Variants in PALD1 observed in about 807,000 individuals in gnomAD.
PALD1 encodes phosphatase domain containing paladin 1.
In PALD1, 57 loss-of-function variants were observed where a neutral mutation model predicts 96.0. The observed-to-expected ratio is 0.59, with a 90% CI of 0.48 to 0.74. The LOEUF is 0.74. Ranked by LOEUF, PALD1 falls within the 30% of genes least tolerant of loss-of-function variation. PALD1 has a pLI of 0.00. For missense variants in PALD1, 1,063 were observed against 1,143.7 expected, an observed-to-expected ratio of 0.93 and a Z score of 1.02; for synonymous variants, 464 against 473.6, an observed-to-expected ratio of 0.98 and a Z score of 0.26.
intron 18 of PALD1, among the ~76,000 whole-genome samples, chr10:70,563,887 A>C (rs1314367349): frequency 6.6e-6 from 1 of 152,180 alleles, no homozygotes; most frequent in Admixed American, 6.5e-5. Context: ...CAGAGCCCTC[A>C]TACCCTCGCC....
intron 1 of PALD1, among the ~76,000 whole-genome samples, chr10:70,522,427 C>T (rs1846757484): frequency 6.6e-6 from 1 of 152,196 alleles, no homozygotes; most frequent in Non-Finnish European, 1.5e-5. Flanking sequence ...AGCCCAGCGT[C>T]TGTAGGCAGG....
Position 70,509,188 on chromosome 10 carries a change from C to T in PALD1, c.-29-16735C>T, listed in dbSNP as rs79673309. The stretch of plus-strand genomic sequence containing the variant: ...GTCCCACGTGTTCTTTGCCCCCTGC[C>T]GGTCCCTGCTCTAAGCTTCCTAGTG... On this transcript the variant is annotated intron_variant, in intron 1 of 19. Transcript: ENST00000263563. Among the ~76,000 whole-genome samples, 159 of 152,302 alleles carry T rather than the reference C, an allele frequency of 1.0e-3. 3 individuals carry two copies. The East Asian group carries it at 0.012, about 12-fold the overall frequency.
intron 1 of PALD1, among the ~76,000 whole-genome samples, chr10:70,500,442 A>G (rs140734126): frequency 2.3e-4 from 35 of 152,182 alleles, no homozygotes; most frequent in African/African-American, 8.4e-4. Flanking sequence ...ACCCCACCTC[A>G]TCCTATATTC....
rs1677508872 is a variant in PALD1, at chr10:70,566,650, G to A, written c.2488G>A (p.Asp830Asn). Residue 830 changes from aspartate to asparagine, a missense_variant, in exon 20 of 20, where the codon GAC becomes AAC. Asp to Asn is a conservative substitution (Grantham distance 23, BLOSUM62 1). Transcript: ENST00000263563. ...CTTCCCCGAGCTGGAGAGCGGGGAG[G>A]ACCAGCCCTTCTCCAGGCTGCGCTA... ...LGFPELESGE[D>N]QPFSRLRYRW... The A allele has an allele frequency of 6.2e-7, 1 of 1,609,400 alleles. No individual in the cohort carries two copies. The highest frequency in any genetic ancestry group is 1.3e-5 in the African/African-American group (1 of 74,794).
chr10:70,476,782 G>A (rs186548926), upstream of PALD1, among the ~76,000 whole-genome samples: 320 of 152,236 alleles, frequency 2.1e-3, 1 homozygote, highest in African/African-American at 7.2e-3. Flanking sequence ...CCAAAAGACA[G>A]GTCAGGCACA....
chr10:70,459,495 C>T, the PALD1 span, among the ~76,000 whole-genome samples: 34 of 152,286 alleles, frequency 2.2e-4, no homozygotes, highest in Middle Eastern at 6.8e-3. Context: ...TGTGGCACTG[C>T]CTCGGATGGG....
At chr10:70,482,105 C>T (rs1454307746) in intron 1 of PALD1, among the ~76,000 whole-genome samples, 1 of 152,194 alleles carries the variant, frequency 6.6e-6, no homozygotes, top group East Asian at 1.9e-4. Context: ...GCTTCCTCAG[C>T]AGCCAGGTGC....
intron 1 of PALD1, among the ~76,000 whole-genome samples, chr10:70,496,598 C>T (rs934495689): frequency 3.3e-5 from 5 of 152,206 alleles, no homozygotes; most frequent in Admixed American, 2.6e-4. Flanking sequence ...GTATCAGTAT[C>T]GTTCATTTCA....
At chr10:70,533,708 T>C (rs974183888) in intron 7 of PALD1, among the ~76,000 whole-genome samples, 1 of 152,230 alleles carries the variant, frequency 6.6e-6, no homozygotes, top group African/African-American at 2.4e-5. Context: ...TCGCTCTCAC[T>C]TCCAGTTCTT....
intron 19 of PALD1, 92 bp downstream of exon 19, chr10:70,564,611 G>A (rs1203914218): frequency 3.5e-5 from 44 of 1,262,758 alleles, no homozygotes; most frequent in East Asian, 1.2e-4. Flanking sequence ...CATGGCCTGC[G>A]GGGACCCCGT....
chr10:70,504,947 G>A (rs1028125681), intron 1 of PALD1, among the ~76,000 whole-genome samples: 3 of 152,196 alleles, frequency 2.0e-5, no homozygotes, highest in South Asian at 4.1e-4. Context: ...TTTGTACCTC[G>A]TCACGTTAAG....
chr10:70,501,735 A>T (rs2132294084), intron 1 of PALD1, among the ~76,000 whole-genome samples: 1 of 152,114 alleles, frequency 6.6e-6, no homozygotes, highest in Non-Finnish European at 1.5e-5. Flanking sequence ...GAGAAAAATC[A>T]TCTGAGATCC....
Position 70,532,720 on chromosome 10 carries a change from G to A in PALD1, c.733G>A (p.Asp245Asn), listed in dbSNP as rs1433310328. 4 of 1,614,104 alleles carry A rather than the reference G, an allele frequency of 2.5e-6. No homozygotes were observed. Among genetic ancestry groups the A allele is most frequent in the African/African-American group, 1.3e-5 (1 of 74,926 alleles). The change falls in exon 6 of 20, where the codon GAC becomes AAC. Residue 245 changes from aspartate to asparagine, a missense_variant. By Grantham distance (23) the Asp-to-Asn change is conservative (BLOSUM62 1). Coordinates refer to ENST00000263563, the MANE Select transcript of PALD1 (RefSeq NM_014431.3). ...CCATGCTGTGGCCATCCATGGTGAG[G>A]ACGACTTGCATGTGACGGAGGAGGT... ...EPHAVAIHGE[D>N]DLHVTEEVYK...
chr10:70,556,740 T>C (rs1235075403), intron 18 of PALD1, among the ~76,000 whole-genome samples: 1 of 152,234 alleles, frequency 6.6e-6, no homozygotes, highest in Non-Finnish European at 1.5e-5. Context: ...TTTCTAAGTG[T>C]GCACCACTGG....
In PALD1 at chr10:70,541,478, G is replaced by A. The variant is rs745512731; in HGVS notation, c.2065G>A (p.Gly689Ser). The change falls in exon 17 of 20, where the codon GGT becomes AGT. Residue 689 changes from glycine to serine, a missense_variant. Physicochemically the swap from Gly to Ser is moderately conservative, Grantham distance 56. Coordinates refer to ENST00000263563, the MANE Select transcript of PALD1 (RefSeq NM_014431.3). ...FWHIQGFPEV[G>S]EEELVSVPDA... ...CTTCCCTCAGGGCTTCCCCGAGGTG[G>A]GTGAGGAGGAGCTCGTGAGTGTGCC... 1 of 1,613,872 alleles carries A rather than the reference G, an allele frequency of 6.2e-7. No homozygotes were observed.
At chr10:70,557,175 C>G (rs375765849) in intron 18 of PALD1, among the ~76,000 whole-genome samples, 1 of 152,248 alleles carries the variant, frequency 6.6e-6, no homozygotes, top group African/African-American at 2.4e-5. Flanking sequence ...GGGCAAGTCA[C>G]TTTGGCCTGC....
At chr10:70,511,783 C>T (rs1846520528) in intron 1 of PALD1, among the ~76,000 whole-genome samples, 1 of 152,226 alleles carries the variant, frequency 6.6e-6, no homozygotes, top group Admixed American at 6.5e-5. Flanking sequence ...AATCCCAGCA[C>T]TTTGGGAGGC....
the PALD1 span, among the ~76,000 whole-genome samples, chr10:70,463,427 G>C: frequency 6.6e-6 from 1 of 151,998 alleles, no homozygotes. Context: ...AAAGCAGGTA[G>C]AATTATGACT....
intron 1 of PALD1, among the ~76,000 whole-genome samples, chr10:70,519,573 C>CTTTCTTT (rs1240665131): frequency 1.5e-5 from 2 of 133,702 alleles, no homozygotes; most frequent in African/African-American, 5.8e-5. Context: ...TTCTTTCTTT[C>CTTTCTTT]TTTTTTTTTT....
Sources: gnomAD v4.1 joint callset for allele counts (sites outside exome capture counted in the v4.1 genomes callset) on GRCh38, gnomAD v4.1.1 for gene constraint, MANE v1.5 for transcripts, NCBI Gene and HGNC (gene_info 2026-07-23, HGNC 2026-07-21) for gene names.